USP34: variants seen among roughly 807,000 people sequenced by gnomAD.
USP34 encodes the protein ubiquitin carboxyl-terminal hydrolase 34.
Under a neutral mutation model 460.3 loss-of-function variants are expected in USP34, and 70 were observed. The observed-to-expected ratio is 0.15, with a 90% CI of 0.13 to 0.19. The LOEUF (loss-of-function observed/expected upper bound fraction) is 0.19, where lower values mean the gene tolerates loss of function less well. Ranked by LOEUF, USP34 falls within the 10% of genes least tolerant of loss-of-function variation. The pLI is 1.00. For missense variants in USP34, 3,985 were observed against 4,236.2 expected, an observed-to-expected ratio of 0.94 and a Z score of 1.65; for synonymous variants, 1,647 against 1,405.3, an observed-to-expected ratio of 1.17 and a Z score of -3.85.
intron 3 of USP34, among the ~76,000 whole-genome samples, chr2:61,396,672 T>C (rs1395332676): frequency 6.6e-6 from 1 of 152,038 alleles, no homozygotes; most frequent in African/African-American, 2.4e-5. Flanking sequence ...GTATTTTTAG[T>C]AGAGACAGGG....
intron 5 of USP34, among the ~76,000 whole-genome samples, chr2:61,386,295 G>C (rs1177157322): frequency 6.6e-6 from 1 of 152,062 alleles, no homozygotes; most frequent in East Asian, 1.9e-4. Context: ...AACAAAAGTA[G>C]AACTACAGAA....
intron 10 of USP34, among the ~76,000 whole-genome samples, chr2:61,359,781 T>G (rs1389652599): frequency 2.9e-5 from 2 of 68,422 alleles, no homozygotes; most frequent in East Asian, 4.2e-4. Flanking sequence ...CCACAGTTGT[T>G]TTTTTTTTTT....
chr2:61,365,500 CAA>C (rs1692409539), intron 10 of USP34, among the ~76,000 whole-genome samples: 1 of 151,864 alleles, frequency 6.6e-6, no homozygotes, highest in Non-Finnish European at 1.5e-5. Flanking sequence ...TAAGAATAAA[CAA>C]AAGAGACATT....
Position 61,282,748 on chromosome 2 carries a change from C to G in USP34, c.4998+397G>C, listed in dbSNP as rs1004678671. On this transcript the variant is annotated intron_variant, in intron 37 of 79. Coordinates refer to ENST00000398571, the MANE Select transcript of USP34 (RefSeq NM_014709.4). ...GAGGCTGCAGGGAGCCTTGATTGCA[C>G]CACTACACTCTAGCCTGGGTGATAC... Among the ~76,000 whole-genome samples, 11 of 152,182 alleles carry G rather than the reference C, an allele frequency of 7.2e-5. No homozygotes were observed. In the East Asian group the frequency reaches 2.1e-3, roughly 29 times the overall value.
intron 3 of USP34, among the ~76,000 whole-genome samples, chr2:61,403,381 T>C (rs1331957312): frequency 1.3e-5 from 2 of 152,156 alleles, no homozygotes; most frequent in African/African-American, 4.8e-5. Context: ...GGAAAAAATT[T>C]CTGTGAATTT....
intron 22 of USP34, 68 bp downstream of exon 22, chr2:61,319,105 A>G (rs1373163128): frequency 1.4e-6 from 2 of 1,447,920 alleles, no homozygotes; most frequent in Admixed American, 2.8e-5. Flanking sequence ...GCATTACAGA[A>G]TTCGTATTTC....
In USP34 at chr2:61,358,193, AAAATAAATAAAT is replaced by A. The variant is rs75593990; in HGVS notation, c.1252-7512_1252-7501del. ...GGCAAGACAGAGCGAGATTCCATCT[AAAATAAATAAAT>A]AAATAAATAAATAAATAAGAATGTT... On this transcript the variant is annotated intron_variant, in intron 10 of 79. Coordinates refer to ENST00000398571, the MANE Select transcript of USP34 (RefSeq NM_014709.4). 6.1e-5 allele frequency among the ~76,000 whole-genome samples: 9 copies of A among 148,556 alleles called. No individual in the cohort carries two copies. In the East Asian group the frequency reaches 7.9e-4, roughly 13 times the overall value.
intron 1 of USP34, among the ~76,000 whole-genome samples, chr2:61,444,574 C>A (rs1330663289): frequency 6.6e-6 from 1 of 152,100 alleles, no homozygotes; most frequent in African/African-American, 2.4e-5. Flanking sequence ...CACTATGAAT[C>A]CCAATAAATA....
chr2:61,380,053 C>T, intron 7 of USP34, 116 bp downstream of exon 7: 1 of 779,576 alleles, frequency 1.3e-6, no homozygotes, highest in Non-Finnish European at 1.9e-6. Flanking sequence ...TAAAGTAATC[C>T]ACATAAAATA....
At chr2:61,258,928 A>G (rs1471388867) in intron 44 of USP34, among the ~76,000 whole-genome samples, 2 of 152,186 alleles carry the variant, frequency 1.3e-5, no homozygotes, top group Admixed American at 6.6e-5. Context: ...GACAACTGAG[A>G]TAACTTTTAG....
In USP34 at chr2:61,301,528, G is replaced by A; in HGVS notation, c.3818-74C>T. On this transcript the variant is annotated intron_variant, in intron 27 of 79. Coordinates refer to ENST00000398571, the MANE Select transcript of USP34 (RefSeq NM_014709.4). ...TACTTGCTGATAAGAATATGTAGTT[G>A]TAGCAATTAAACACACTGTATGTTA... is the stretch of plus-strand genomic sequence containing the variant. 10 of 1,317,616 alleles carry A rather than the reference G, an allele frequency of 7.6e-6. No homozygotes were observed. The South Asian group carries it at 9.9e-5, about 13-fold the overall frequency. The allele number at this position is 1,317,616 out of a possible 1,614,324, so 81.6% of individuals were successfully genotyped here.
At chr2:61,235,356 T>G (rs1051074967) in intron 57 of USP34, among the ~76,000 whole-genome samples, 11 of 143,052 alleles carry the variant, frequency 7.7e-5, no homozygotes, top group African/African-American at 2.4e-4. Context: ...AGATGGAGTC[T>G]CACTGTGTCG....
chr2:61,236,363 A>G lies in USP34; in HGVS notation c.6804T>C (p.Phe2268=), dbSNP rs762559471. ...GTTCAAAAATGTTTTTGTCTTGAAG[A>G]AACTGCATGTTATCATGCCAAATCC... The part of the protein sequence containing the change: ...LEWIWHDNMQ[F]LQDKNIFEHT... Residue 2268 remains phenylalanine (F), a synonymous_variant, in exon 54 of 80, where the codon TTT becomes TTC. Transcript: ENST00000398571. The G allele has an allele frequency of 6.2e-7, 1 of 1,604,800 alleles. No homozygotes were observed. Among genetic ancestry groups the G allele is most frequent in the East Asian group, 2.2e-5 (1 of 44,636 alleles).
Position 61,343,827 on chromosome 2 carries a change from G to C in USP34, c.2488C>G (p.His830Asp), listed in dbSNP as rs1162633400. ...TGTAGAGTCTTACCTTGACTAAGAT[G>C]TTCATGGTAAATGGAAGCTAAATTG... The part of the protein sequence containing the change: ...LPNLASIYHE[H>D]LSQGPVVHKH... The change falls in exon 16 of 80, where the codon CAT (histidine) becomes GAT (aspartate). Residue 830 changes from histidine to aspartate, a missense_variant. Physicochemically the swap from His to Asp is moderately conservative, Grantham distance 81 (BLOSUM62 -1). Transcript: ENST00000398571. The C allele has an allele frequency of 3.7e-6, 6 of 1,613,642 alleles. No homozygotes were observed. In the African/African-American group the frequency reaches 8.0e-5, roughly 22 times the overall value.
At position 61,219,622 on chromosome 2, in the gene USP34, G is replaced by C. The variant is rs192899354; in HGVS notation, c.8047+688C>G. On this transcript the variant is annotated intron_variant, in intron 67 of 79. Coordinates refer to ENST00000398571, the MANE Select transcript of USP34 (RefSeq NM_014709.4). ...ACAGGCAGAGGTTGCAGTGTGCTGA[G>C]ACTGCACCACTGCACTCCAGCCTGA... 2.8e-3 allele frequency among the ~76,000 whole-genome samples: 409 copies of C among 148,724 alleles called. 1 individual carries two copies. Among genetic ancestry groups the C allele is most frequent in the African/African-American group, 9.5e-3 (380 of 40,170 alleles).
intron 3 of USP34, among the ~76,000 whole-genome samples, chr2:61,395,622 T>TAA (rs1693494761): frequency 7.0e-6 from 1 of 142,102 alleles, no homozygotes; most frequent in Non-Finnish European, 1.5e-5. Context: ...CCGTCTCTAC[T>TAA]AAAAATACAA....
chr2:61,325,611 A>T (rs1256204554), intron 20 of USP34, among the ~76,000 whole-genome samples, 154 bp from the exon 21 acceptor site: 1 of 152,156 alleles, frequency 6.6e-6, no homozygotes, highest in African/African-American at 2.4e-5. Context: ...AGAAGTTCAT[A>T]AAGGCAAAAC....
At chr2:61,359,090 G>A (rs1006930697) in intron 10 of USP34, among the ~76,000 whole-genome samples, 5 of 152,126 alleles carry the variant, frequency 3.3e-5, no homozygotes, top group Non-Finnish European at 7.3e-5. Context: ...AACTGGAAAA[G>A]CTGATCTTCA....
At position 61,328,297 on chromosome 2, in the gene USP34, C is replaced by T. The variant is rs184470260; in HGVS notation, c.2931-2840G>A. Among the ~76,000 whole-genome samples the T allele has an allele frequency of 1.9e-3, 250 of 129,172 alleles. 4 individuals carry two copies. Among genetic ancestry groups the T allele is most frequent in the Admixed American group, 0.013 (160 of 12,026 alleles). 84.7% of individuals were successfully genotyped at this position (129,172 alleles called of 152,430 possible). ...AGCCTGGGCAAAAGAGCAAAAACTC[C>T]GTCAAAAAAAAAAAAATAAAGTGAA... is the stretch of plus-strand genomic sequence containing the variant. On this transcript the variant is annotated intron_variant, in intron 20 of 79. Transcript: ENST00000398571.
Sources: gnomAD v4.1 joint callset for allele counts (sites outside exome capture counted in the v4.1 genomes callset) on GRCh38, gnomAD v4.1.1 for gene constraint, MANE v1.5 for transcripts, NCBI Gene and HGNC (gene_info 2026-07-23, HGNC 2026-07-21) for gene names.